BRD4: variants seen among roughly 807,000 people sequenced by gnomAD.
BRD4 encodes bromodomain-containing protein 4.
BRD4 carries 16 observed loss-of-function variants against 142.1 expected under a neutral mutation model. That is an observed-to-expected ratio of 0.11 (90% CI 0.08 to 0.17). The LOEUF is 0.17. BRD4 is among the 10% of genes least tolerant of loss of function. BRD4 has a pLI of 1.00. For missense variants in BRD4, 1,424 were observed against 1,810.9 expected (o/e 0.79, Z 3.88); for synonymous variants, 833 against 707.5 (o/e 1.18, Z -2.82).
At chr19:15,254,321 A>C (rs2047382989) in intron 10 of BRD4, 59 bp from the exon 11 acceptor site, 1 of 1,395,488 alleles carries the variant, frequency 7.2e-7, no homozygotes, top group Non-Finnish European at 1.0e-6. Context: ...AGCCGCTCTA[A>C]GCCATGGGCA....
intron 1 of BRD4, among the ~76,000 whole-genome samples, chr19:15,283,321 G>C (rs530358265): frequency 6.6e-6 from 1 of 152,282 alleles, no homozygotes; most frequent in South Asian, 2.1e-4. Flanking sequence ...GCTGCCCCTG[G>C]TGTCAATCAG....
Position 15,272,373 on chromosome 19 carries a change from C to T in BRD4, c.285+442G>A, listed in dbSNP as rs184104833. Reference sequence around the variant, plus strand: ...CACCGTGTGCTCCGGGTGACAGTGACGATGATGCTAGGTGACCACTACTGC... The same window carrying T: ...CACCGTGTGCTCCGGGTGACAGTGATGATGATGCTAGGTGACCACTACTGC... On this transcript the variant is annotated intron_variant, in intron 2 of 19. Transcript: ENST00000679869. Among the ~76,000 whole-genome samples, 26 of 152,282 alleles carry T rather than the reference C, an allele frequency of 1.7e-4. No individual in the cohort carries two copies. In the East Asian group the frequency reaches 4.6e-3, roughly 27 times the overall value.
At chr19:15,244,881 A>T in intron 11 of BRD4, 119 bp from the exon 12 acceptor site, 2 of 1,547,272 alleles carry the variant, frequency 1.3e-6, no homozygotes, top group South Asian at 2.4e-5. Flanking sequence ...ACCCTGAGAA[A>T]GGGCAGCCGA....
chr19:15,249,926 A>G (rs1180661248), intron 11 of BRD4, among the ~76,000 whole-genome samples: 2 of 152,180 alleles, frequency 1.3e-5, no homozygotes, highest in Non-Finnish European at 2.9e-5. Context: ...ACTGTTGAGG[A>G]GGAGAAAAAA....
At chr19:15,315,510 TG>T (rs111759462) in intron 1 of BRD4, among the ~76,000 whole-genome samples, 81 of 150,736 alleles carry the variant, frequency 5.4e-4, no homozygotes, top group Middle Eastern at 6.9e-3. Flanking sequence ...TTAAGGGGAT[TG>T]GGGGGGGGAA....
At chr19:15,274,261 A>G (rs2047622053) in intron 1 of BRD4, among the ~76,000 whole-genome samples, 1 of 152,228 alleles carries the variant, frequency 6.6e-6, no homozygotes, top group Non-Finnish European at 1.5e-5. Context: ...ACAGACAAGG[A>G]AACAAGTCAG....
At chr19:15,326,154 A>T (rs1397914079) in intron 1 of BRD4, among the ~76,000 whole-genome samples, 3 of 102,832 alleles carry the variant, frequency 2.9e-5, no homozygotes, top group African/African-American at 1.1e-4. Flanking sequence ...ATGTAGCATT[A>T]AAAAAAAAAA....
At chr19:15,305,924 T>C (rs1403526044) in intron 1 of BRD4, among the ~76,000 whole-genome samples, 2 of 152,206 alleles carry the variant, frequency 1.3e-5, no homozygotes, top group Admixed American at 1.3e-4. Context: ...ACCTTGCACT[T>C]TTATGTTTTG....
At chr19:15,313,966 C>G (rs998503137) in intron 1 of BRD4, among the ~76,000 whole-genome samples, 6 of 152,174 alleles carry the variant, frequency 3.9e-5, no homozygotes, top group African/African-American at 1.4e-4. Context: ...GAAGATTACA[C>G]AGACCAAATT....
intron 1 of BRD4, among the ~76,000 whole-genome samples, chr19:15,326,557 A>C (rs1479634347): frequency 6.6e-6 from 1 of 152,212 alleles, no homozygotes; most frequent in African/African-American, 2.4e-5. Flanking sequence ...AGACAAAGAC[A>C]AATAACTGGA....
rs1459822809 is a variant in BRD4, at chr19:15,250,526, A to G, written c.2158+3626T>C. On this transcript the variant is annotated intron_variant, in intron 11 of 19. Coordinates refer to ENST00000679869, the MANE Select transcript of BRD4 (RefSeq NM_001379291.1). ...CCCCTGGAGCTATTAAGAAACACCC[A>G]CATGCTCCAATCCTGGGAAAAGGAA... Among the ~76,000 whole-genome samples, 11 of 152,290 alleles carry G rather than the reference A, an allele frequency of 7.2e-5. No homozygotes were observed. The East Asian group carries it at 1.7e-3, about 24-fold the overall frequency.
rs200426011 is a variant in BRD4, at chr19:15,238,959, C to T, written c.3804G>A (p.Ala1268=). Residue 1268 remains alanine (A), a synonymous_variant, in exon 19 of 20, where the codon GCG becomes GCA. Coordinates refer to ENST00000679869, the MANE Select transcript of BRD4 (RefSeq NM_001379291.1). The surrounding 1 kb of genome is among the most constrained non-coding windows in gnomAD (Gnocchi z 7.2). ...CATGGGCCCGCCGGGCCTGCTCCAGCGCATCCTCGTCCTCTCGGCTCCTGG... is the reference window on the plus strand; with the variant it reads ...CATGGGCCCGCCGGGCCTGCTCCAGTGCATCCTCGTCCTCTCGGCTCCTGG... ...ERMRSREDED[A]LEQARRAHEE... 7.5e-6 allele frequency: 12 copies of T among 1,593,184 alleles called. No individual in the cohort carries two copies. Among genetic ancestry groups the T allele is most frequent in the East Asian group, 2.3e-5 (1 of 44,342 alleles).
chr19:15,284,878 C>T (rs2047728838), intron 1 of BRD4, among the ~76,000 whole-genome samples: 1 of 152,176 alleles, frequency 6.6e-6, no homozygotes, highest in Non-Finnish European at 1.5e-5. Flanking sequence ...CTTGTTTGCC[C>T]CTAATTCCAC....
chr19:15,270,693 C>G (rs1252267895), intron 2 of BRD4, among the ~76,000 whole-genome samples: 1 of 152,042 alleles, frequency 6.6e-6, no homozygotes, highest in Non-Finnish European at 1.5e-5. Flanking sequence ...CGGGTGAAGA[C>G]CTAGAAGGCA....
At chr19:15,240,828 C>T (rs1320592858) in intron 14 of BRD4, among the ~76,000 whole-genome samples, 1 of 152,208 alleles carries the variant, frequency 6.6e-6, no homozygotes, top group Non-Finnish European at 1.5e-5. Context: ...CCTCACCGCT[C>T]TTTGGCTAGC....
At chr19:15,256,799 T>C (rs943441081) in intron 8 of BRD4, among the ~76,000 whole-genome samples, 165 bp downstream of exon 8, 1 of 152,094 alleles carries the variant, frequency 6.6e-6, no homozygotes, top group African/African-American at 2.4e-5. Context: ...ACGTGTATGA[T>C]CAACATGCAT....
At position 15,235,740 on chromosome 19, in the gene BRD4, A is replaced by T. The variant is rs906811787; in HGVS notation, c.*2637T>A. On this transcript the variant is annotated 3_prime_UTR_variant, in exon 20 of 20. Transcript: ENST00000679869. The stretch of plus-strand genomic sequence containing the variant: ...CACCTCTTACTCTGGTATAGGACTA[A>T]GATTTCTAGTACTGTGGGAAGGGTT... 3.3e-5 allele frequency: 5 copies of T among 152,190 alleles called. No individual in the cohort carries two copies. Among genetic ancestry groups the T allele is most frequent in the Non-Finnish European group, 5.9e-5 (4 of 68,046 alleles). The allele number at this position is 152,190 out of a possible 1,614,324, so 9.4% of individuals were successfully genotyped here.
chr19:15,319,793 G>A (rs1385481449), intron 1 of BRD4, among the ~76,000 whole-genome samples: 3 of 151,902 alleles, frequency 2.0e-5, no homozygotes, highest in African/African-American at 7.3e-5. Context: ...AAAATTAGAT[G>A]AGTGTGGTGG....
intron 1 of BRD4, among the ~76,000 whole-genome samples, chr19:15,287,553 G>A (rs73508435): frequency 0.028 from 4,227 of 151,662 alleles, 148 homozygotes; most frequent in African/African-American, 0.081. Context: ...GTTTCAGAAC[G>A]CTTTCACCTT....
Sources: gnomAD v4.1 joint callset for allele counts (sites outside exome capture counted in the v4.1 genomes callset) on GRCh38, gnomAD v4.1.1 for gene constraint, Gnocchi (gnomAD v3.1) non-coding constraint, MANE v1.5 for transcripts, NCBI Gene and HGNC (gene_info 2026-07-23, HGNC 2026-07-21) for gene names.